Variants in GRHL2 observed in about 807,000 individuals in gnomAD.
GRHL2 encodes the protein grainyhead-like protein 2 homolog.
A neutral mutation model predicts 83.8 loss-of-function variants in GRHL2; 21 were observed. The ratio of observed to expected loss-of-function variants is 0.25; its 90% CI spans 0.18 to 0.36. The LOEUF is 0.36. Ranked by LOEUF, GRHL2 falls within the 10% of genes least tolerant of loss-of-function variation. The probability of loss-of-function intolerance (pLI) is 1.00; values close to 1 mark genes in which losing one functional copy is unlikely to be tolerated. For missense variants in GRHL2, 623 were observed against 781.8 expected (o/e 0.80, Z 2.42); for synonymous variants, 280 against 278.9 (o/e 1.00, Z -0.04).
At chr8:101,670,761 G>C (rs113070586), downstream of GRHL2, among the ~76,000 whole-genome samples, 1,195 of 152,322 alleles carry the variant, frequency 7.8e-3, 14 homozygotes, top group African/African-American at 0.026. Flanking sequence ...ATGAGACGCT[G>C]GTTGGATAGG....
intron 12 of GRHL2, among the ~76,000 whole-genome samples, chr8:101,637,403 C>G (rs916802924): frequency 3.2e-4 from 48 of 152,298 alleles, no homozygotes; most frequent in Non-Finnish European, 4.4e-4. Flanking sequence ...GCCTGGCAGG[C>G]CAGTAGTGAG....
At chr8:101,529,468 G>C in intron 1 of GRHL2, 1 of 165,344 alleles carries the variant, frequency 6.0e-6, no homozygotes, top group Non-Finnish European at 1.3e-5. Flanking sequence ...CCTTTTGATG[G>C]CATCTTGTTT....
At chr8:101,523,632 T>C (rs554700615) in intron 1 of GRHL2, among the ~76,000 whole-genome samples, 2 of 151,906 alleles carry the variant, frequency 1.3e-5, no homozygotes, top group African/African-American at 2.4e-5. Flanking sequence ...TGCACCACCA[T>C]GTGTGGCTAA....
intron 14 of GRHL2, among the ~76,000 whole-genome samples, chr8:101,652,336 TGTGTATGTGTGTG>T (rs1456086709): frequency 3.9e-5 from 4 of 103,176 alleles, no homozygotes; most frequent in African/African-American, 2.2e-4. Flanking sequence ...GTGTGGTGTG[TGTGTATGTGTGTG>T]GTGTGTGTGG....
At chr8:101,652,323 TGTGTGTGGTGTGTGTGTATGTGTGTG>T (rs1813643940) in intron 14 of GRHL2, among the ~76,000 whole-genome samples, 1 of 124,368 alleles carries the variant, frequency 8.0e-6, no homozygotes, top group African/African-American at 3.6e-5. Flanking sequence ...TGTGTGCGTG[TGTGTGTGGTGTGTGTGTATGTGTGTG>T]GTGTGTGTGG....
intron 1 of GRHL2, 162 bp downstream of exon 1, chr8:101,492,951 C>T (rs991835831): frequency 4.9e-5 from 35 of 712,624 alleles, no homozygotes; most frequent in South Asian, 4.3e-4. Flanking sequence ...ATGTTTCTAC[C>T]CTGATTAAGG....
chr8:101,577,546 AG>A, intron 7 of GRHL2, 27 bp downstream of exon 7: 1 of 1,429,486 alleles, frequency 7.0e-7, no homozygotes, highest in Admixed American at 1.7e-5. Flanking sequence ...TTCCCTGTAT[AG>A]TCCTCGATAA....
At chr8:101,651,752 T>G (rs533165569) in intron 14 of GRHL2, among the ~76,000 whole-genome samples, 2 of 152,308 alleles carry the variant, frequency 1.3e-5, no homozygotes, top group Admixed American at 6.5e-5. Flanking sequence ...GATGTATCCT[T>G]TGACCCTGTA....
At chr8:101,559,240 G>A (rs897453792) in intron 4 of GRHL2, among the ~76,000 whole-genome samples, 1 of 151,682 alleles carries the variant, frequency 6.6e-6, no homozygotes, top group Non-Finnish European at 1.5e-5. Flanking sequence ...GGCTGGACGC[G>A]GTGGCTCATG....
chr8:101,676,567 G>A, the GRHL2 span, among the ~76,000 whole-genome samples: 1 of 152,142 alleles, frequency 6.6e-6, no homozygotes, highest in African/African-American at 2.4e-5. Flanking sequence ...AACAACAGGT[G>A]CTGGAGAGGA....
intron 14 of GRHL2, among the ~76,000 whole-genome samples, chr8:101,652,557 TGTG>T (rs1197458699): frequency 6.0e-5 from 3 of 50,200 alleles, no homozygotes; most frequent in African/African-American, 1.9e-4. Flanking sequence ...GGTGTGTATG[TGTG>T]GTGGTGTGTG....
intron 1 of GRHL2, among the ~76,000 whole-genome samples, chr8:101,521,824 C>T (rs1022493577): frequency 8.5e-5 from 13 of 152,224 alleles, no homozygotes; most frequent in East Asian, 1.9e-4. Flanking sequence ...TTTTAGAGAA[C>T]GCTGTGGTAA....
At chr8:101,675,833 A>T in the GRHL2 span, among the ~76,000 whole-genome samples, 2 of 152,170 alleles carry the variant, frequency 1.3e-5, no homozygotes, top group African/African-American at 4.8e-5. Flanking sequence ...CAGTAACCAA[A>T]ACAGCATGGT....
chr8:101,564,655 TA>T (rs1351270161), intron 4 of GRHL2, among the ~76,000 whole-genome samples: 7 of 151,278 alleles, frequency 4.6e-5, no homozygotes, highest in East Asian at 3.9e-4. Flanking sequence ...AAATACAAAA[TA>T]AAAAAATTAG....
chr8:101,573,801 C>T lies in GRHL2; in HGVS notation c.868C>T (p.Arg290Ter). The T allele has an allele frequency of 1.2e-6, 2 of 1,614,110 alleles. No homozygotes were observed. Among genetic ancestry groups the T allele is most frequent in the Non-Finnish European group, 1.7e-6 (2 of 1,180,020 alleles). Residue 290 changes from arginine (R) to a stop codon, truncating the protein, a stop_gained, in exon 6 of 16, where the codon CGA becomes TGA. Transcript: ENST00000646743. LOFTEE classifies it high-confidence loss of function. ...LSETGDNKCF[R>*]HPISKVRSVV... ...CGAGACCGGAGACAACAAATGCTTC[C>T]GACACCCCATCAGCAAAGTCAGGGT...
chr8:101,513,104 A>C (rs1042733594), intron 1 of GRHL2, among the ~76,000 whole-genome samples: 1 of 152,136 alleles, frequency 6.6e-6, no homozygotes, highest in Admixed American at 6.6e-5. Context: ...TCAATCAATA[A>C]ATTTCCTAAT....
At chr8:101,678,660 C>T in the GRHL2 span, among the ~76,000 whole-genome samples, 2 of 150,608 alleles carry the variant, frequency 1.3e-5, no homozygotes, top group South Asian at 2.1e-4. Context: ...CAGCAGTAAC[C>T]TCTGCAGACT....
intron 1 of GRHL2, among the ~76,000 whole-genome samples, chr8:101,540,793 CT>C (rs942203208): frequency 1.3e-5 from 2 of 151,978 alleles, no homozygotes; most frequent in Non-Finnish European, 2.9e-5. Flanking sequence ...TTTTTTTAGT[CT>C]TTTTTTATTT....
chr8:101,610,319 C>A (rs1812722588), intron 8 of GRHL2, among the ~76,000 whole-genome samples: 1 of 150,950 alleles, frequency 6.6e-6, no homozygotes, highest in African/African-American at 2.5e-5. Context: ...GTTAGCTTCA[C>A]AAAATCCCCA....
Sources: allele counts gnomAD v4.1 joint callset (sites outside exome capture counted in the v4.1 genomes callset), GRCh38; gene constraint gnomAD v4.1.1; transcripts MANE v1.5; gene names NCBI Gene and HGNC (gene_info 2026-07-23, HGNC 2026-07-21).